Variants in UBE2E2 observed in about 807,000 individuals in gnomAD.
The protein encoded by UBE2E2 is ubiquitin-conjugating enzyme E2 E2.
Under a neutral mutation model 24.7 loss-of-function variants are expected in UBE2E2, and 6 were observed. The observed-to-expected ratio is 0.24, with a 90% confidence interval of 0.13 to 0.48. The LOEUF is 0.48. Ranked by LOEUF, UBE2E2 falls within the 20% of genes least tolerant of loss-of-function variation. The pLI is 0.99. For missense variants in UBE2E2, 169 were observed against 245.0 expected (o/e 0.69, Z 2.07); for synonymous variants, 104 against 83.6 (o/e 1.24, Z -1.33).
chr3:23,481,690 C>T (rs991585115), intron 3 of UBE2E2, among the ~76,000 whole-genome samples: 3 of 152,296 alleles, frequency 2.0e-5, no homozygotes, highest in Middle Eastern at 3.4e-3. Flanking sequence ...TTAAATCTGC[C>T]TGGCAGCCAA....
At chr3:23,371,399 TTA>T (rs1314888120) in intron 3 of UBE2E2, among the ~76,000 whole-genome samples, 2 of 152,210 alleles carry the variant, frequency 1.3e-5, no homozygotes, top group African/African-American at 4.8e-5. Flanking sequence ...TGTGGATATT[TTA>T]TGTTTTCTCA....
At chr3:23,388,954 A>G (rs1410630236) in intron 3 of UBE2E2, among the ~76,000 whole-genome samples, 1 of 151,158 alleles carries the variant, frequency 6.6e-6, no homozygotes, top group African/African-American at 2.4e-5. Context: ...GTGAGCCAAG[A>G]TCGTGCCACT....
At chr3:23,381,851 T>C (rs1166622817) in intron 3 of UBE2E2, among the ~76,000 whole-genome samples, 1 of 152,182 alleles carries the variant, frequency 6.6e-6, no homozygotes, top group Non-Finnish European at 1.5e-5. Context: ...TTAGATGCTG[T>C]TTCCCAGTGT....
chr3:23,366,563 C>T (rs778075859), intron 3 of UBE2E2, among the ~76,000 whole-genome samples: 8 of 152,268 alleles, frequency 5.3e-5, no homozygotes, highest in African/African-American at 1.2e-4. Flanking sequence ...CAGAGGTAAA[C>T]ATTGAGTACA....
intron 5 of UBE2E2, among the ~76,000 whole-genome samples, chr3:23,566,167 G>A (rs1223711147): frequency 2.0e-5 from 3 of 152,114 alleles, no homozygotes; most frequent in Non-Finnish European, 4.4e-5. Context: ...GAAACAGTAA[G>A]AACTAAGGAG....
At chr3:23,402,973 G>C (rs774243324) in intron 3 of UBE2E2, among the ~76,000 whole-genome samples, 1 of 152,304 alleles carries the variant, frequency 6.6e-6, no homozygotes, top group Non-Finnish European at 1.5e-5. Context: ...GCCAAAGGCT[G>C]CTTGAGGAGG....
intron 3 of UBE2E2, among the ~76,000 whole-genome samples, chr3:23,439,410 C>T (rs1698249532): frequency 1.3e-5 from 2 of 152,212 alleles, no homozygotes; most frequent in South Asian, 2.1e-4. Flanking sequence ...CACCCCTCCT[C>T]CTCCATGTCT....
chr3:23,301,919 C>G (rs969842188), intron 3 of UBE2E2, among the ~76,000 whole-genome samples: 2 of 152,200 alleles, frequency 1.3e-5, no homozygotes, highest in Non-Finnish European at 2.9e-5. Flanking sequence ...CTTAATGTTT[C>G]TTCGCTTAAT....
chr3:23,491,056 C>G (rs1272138912), intron 3 of UBE2E2, among the ~76,000 whole-genome samples: 1 of 152,160 alleles, frequency 6.6e-6, no homozygotes, highest in Admixed American at 6.5e-5. Flanking sequence ...ATAAAATTAA[C>G]AGTCCATTTC....
intron 3 of UBE2E2, among the ~76,000 whole-genome samples, chr3:23,283,245 T>G (rs1698528655): frequency 1.3e-5 from 2 of 152,164 alleles, no homozygotes; most frequent in East Asian, 3.9e-4. Context: ...ATTTGGAACT[T>G]GGTGACTCTA....
intron 3 of UBE2E2, among the ~76,000 whole-genome samples, chr3:23,486,537 C>T (rs1019749432): frequency 9.9e-5 from 15 of 152,166 alleles, no homozygotes; most frequent in African/African-American, 3.4e-4. Context: ...TCAGTCCCAC[C>T]GTCCTGCTCC....
chr3:23,276,036 G>A (rs547347114), intron 3 of UBE2E2, among the ~76,000 whole-genome samples: 34 of 152,162 alleles, frequency 2.2e-4, no homozygotes, highest in Non-Finnish European at 3.8e-4. Context: ...ATGGTGTGGG[G>A]AAGAAAAGTA....
intron 3 of UBE2E2, among the ~76,000 whole-genome samples, chr3:23,437,782 G>A (rs943707568): frequency 6.6e-6 from 1 of 152,162 alleles, no homozygotes; most frequent in Admixed American, 6.5e-5. Flanking sequence ...CGTAGATTGT[G>A]TATATGTTCT....
chr3:23,400,135 A>G (rs890751306), intron 3 of UBE2E2, among the ~76,000 whole-genome samples: 7 of 152,204 alleles, frequency 4.6e-5, no homozygotes, highest in Non-Finnish European at 7.3e-5. Flanking sequence ...ATGAAACTCC[A>G]TTAATGTAGT....
At chr3:23,521,601 C>A (rs896220066) in intron 4 of UBE2E2, among the ~76,000 whole-genome samples, 1 of 152,182 alleles carries the variant, frequency 6.6e-6, no homozygotes, top group African/African-American at 2.4e-5. Flanking sequence ...TAGTACCTGA[C>A]TGGGGGAGAC....
chr3:23,548,992 CTG>C (rs1218498589), intron 5 of UBE2E2, among the ~76,000 whole-genome samples: 4 of 152,190 alleles, frequency 2.6e-5, no homozygotes, highest in East Asian at 1.9e-4. Context: ...TGGCTGAACA[CTG>C]TGAGTAATGT....
chr3:23,277,360 T>C (rs984965838), intron 3 of UBE2E2, among the ~76,000 whole-genome samples: 3 of 152,278 alleles, frequency 2.0e-5, no homozygotes, highest in African/African-American at 7.2e-5. Flanking sequence ...AATAAGATTT[T>C]CATTTGATAA....
intron 5 of UBE2E2, among the ~76,000 whole-genome samples, chr3:23,533,597 T>G (rs1407224647): frequency 1.3e-5 from 2 of 151,846 alleles, no homozygotes; most frequent in African/African-American, 2.4e-5. Context: ...CAGTAAAATC[T>G]TTTTTAAAGT....
At chr3:23,259,259 G>C (rs71317824) in intron 3 of UBE2E2, among the ~76,000 whole-genome samples, 11,316 of 152,138 alleles carry the variant, frequency 0.074, 542 homozygotes, top group Non-Finnish European at 0.092. Flanking sequence ...ATGCATACAT[G>C]TGTTCATGGC....
Sources: gnomAD v4.1 joint callset for allele counts (sites outside exome capture counted in the v4.1 genomes callset) on GRCh38, gnomAD v4.1.1 for gene constraint, MANE v1.5 for transcripts, NCBI Gene and HGNC (gene_info 2026-07-23, HGNC 2026-07-21) for gene names.